TSPYL2: variants seen among roughly 807,000 people sequenced by gnomAD.
TSPYL2 encodes the protein TSPY like 2.
Under a neutral mutation model 33.0 loss-of-function variants are expected in TSPYL2, and 9 were observed. The observed-to-expected ratio is 0.27, with a 90% CI of 0.16 to 0.48. The LOEUF (loss-of-function observed/expected upper bound fraction) is 0.48. Among genes scored for constraint, TSPYL2 ranks in the 20% least tolerant of loss-of-function variants. TSPYL2 has a pLI of 0.99. For missense variants in TSPYL2, 636 were observed against 586.2 expected, an observed-to-expected ratio of 1.08 and a Z score of -0.88; for synonymous variants, 330 against 233.6, an observed-to-expected ratio of 1.41 and a Z score of -3.77.
chrX:53,083,097 TGAA>T lies in TSPYL2; in HGVS notation c.602_604del (p.Lys201del). 3 of 1,205,663 alleles carry T rather than the reference TGAA, an allele frequency of 2.5e-6. No individual in the cohort carries two copies. The highest frequency in any genetic ancestry group is 3.4e-6 in the Non-Finnish European group (3 of 892,963). ...CGGCGGAGGAGGAAGCAGAGGAAGG[TGAA>T]GAGGGAAAGCAGAGAGAGAAATGCC... is the stretch of plus-strand genomic sequence containing the variant. On this transcript the variant is annotated inframe_deletion, in exon 1 of 7. Coordinates refer to ENST00000375442, the MANE Select transcript of TSPYL2 (RefSeq NM_022117.4).
rs782412523 is a variant in TSPYL2 at position 53,084,897 on chromosome X, T to TC, written c.997+38dup. The stretch of plus-strand genomic sequence containing the variant: ...TGGCAGTACCAGAGTAAATCCATGT[T>TC]CCCCCCCTCAATCTGTCCTTGTTTT... On this transcript the variant is annotated intron_variant, in intron 3 of 6. Transcript: ENST00000375442. 55 of 1,206,113 alleles carry TC rather than the reference T, an allele frequency of 4.6e-5. No individual in the cohort carries two copies. In the Admixed American group the frequency reaches 9.4e-4, roughly 21 times the overall value.
At chrX:53,085,426 G>C (rs782569043) in intron 5 of TSPYL2, 105 bp downstream of exon 5, 341 of 788,417 alleles carry the variant, frequency 4.3e-4, no homozygotes, top group Non-Finnish European at 6.1e-4. Flanking sequence ...GATAATCCCA[G>C]TGGAATATGT....
At chrX:53,083,414 T>G in intron 1 of TSPYL2, 109 bp downstream of exon 1, 2 of 752,838 alleles carry the variant, frequency 2.7e-6, no homozygotes, top group Non-Finnish European at 4.0e-6. Context: ...GAGGTGGGCA[T>G]GATCCCCCTA....
chrX:53,086,321 C>A lies in TSPYL2; in HGVS notation c.1918+11C>A, dbSNP rs931851560. ...AGGGCATTGAGGAAGGTGAGCTAAT[C>A]CCCCCCCACCCTTGTCTTCCCTCTT... On this transcript the variant is annotated intron_variant, in intron 6 of 6. Transcript: ENST00000375442. The A allele has an allele frequency of 1.6e-5, 18 of 1,096,184 alleles. No individual in the cohort carries two copies. The highest frequency in any genetic ancestry group is 3.5e-5 in the African/African-American group (1 of 28,421). 90.3% of individuals were successfully genotyped at this position (1,096,184 alleles called of 1,213,427 possible).
At position 53,085,233 on chromosome X, in the gene TSPYL2, A is replaced by C; in HGVS notation, c.1150A>C (p.Lys384Gln). ...PEADRIAEIIKNDLWVNPLRY... is the reference protein window; with the variant it reads ...PEADRIAEIIQNDLWVNPLRY... ...TTCTCCCCTTTTTCAACAGATTATC[A>C]AGAATGATCTGTGGGTTAACCCTCT... The change falls in exon 5 of 7, where the codon AAG becomes CAG. Residue 384 changes from lysine (K) to glutamine (Q), a missense_variant. Lys to Gln is a moderately conservative substitution (Grantham distance 53). Coordinates refer to ENST00000375442, the MANE Select transcript of TSPYL2 (RefSeq NM_022117.4). 1 of 1,201,469 alleles carries C rather than the reference A, an allele frequency of 8.3e-7. No homozygotes were observed. The highest frequency in any genetic ancestry group is 1.1e-6 in the Non-Finnish European group (1 of 890,384).
intron 6 of TSPYL2, 83 bp from the exon 7 acceptor site, chrX:53,087,693 C>A: frequency 1.9e-6 from 2 of 1,055,141 alleles, no homozygotes; most frequent in South Asian, 2.2e-5. Flanking sequence ...TGGCTATGGT[C>A]TCTGTTCCCT....
chrX:53,087,709 A>G (rs1007344690), intron 6 of TSPYL2, 67 bp from the exon 7 acceptor site: 1 of 1,106,725 alleles, frequency 9.0e-7, no homozygotes, highest in Non-Finnish European at 1.2e-6. Flanking sequence ...TCCCTTTTAG[A>G]GTGACACCTA....
At chrX:53,085,571 G>T in intron 5 of TSPYL2, 60 bp from the exon 6 acceptor site, 3 of 1,111,778 alleles carry the variant, frequency 2.7e-6, no homozygotes, top group Non-Finnish European at 2.5e-6. Context: ...TCCCACCTTT[G>T]AGTGCTATGA....
Position 53,082,796 on chromosome X carries a change from A to T in TSPYL2, c.298A>T (p.Thr100Ser). 3 of 1,198,328 alleles carry T rather than the reference A, an allele frequency of 2.5e-6. No homozygotes were observed. Among genetic ancestry groups the T allele is most frequent in the Non-Finnish European group, 3.4e-6 (3 of 889,939 alleles). ...TGCTGAGTGTCCCGGCTGGGATTCT[A>T]CCATCGAGTCGGGGTATGGGGAGGC... is the stretch of plus-strand genomic sequence containing the variant. ...LGAECPGWDS[T>S]IESGYGEAPP... Residue 100 changes from threonine to serine, a missense_variant, in exon 1 of 7, where the codon ACC becomes TCC. Thr to Ser is a moderately conservative substitution (Grantham distance 58, BLOSUM62 1). Coordinates refer to ENST00000375442, the MANE Select transcript of TSPYL2 (RefSeq NM_022117.4).
rs782276508 is a variant in TSPYL2 at position 53,086,080 on chromosome X, A to G, written c.1688A>G (p.Asn563Ser). Residue 563 changes from asparagine to serine, a missense_variant, in exon 6 of 7, where the codon AAT becomes AGT. Around this residue, in one of 3 missense-constraint regions of TSPYL2, gnomAD observed 401 missense variants for 363.0 expected, o/e 1.10. Transcript: ENST00000375442. ...AACCAGGACAGCAGCGACAGTGACA[A>G]TGAAGCAGATGAGGCCAGTGATGAT... The part of the protein sequence containing the change: ...GNNQDSSDSD[N>S]EADEASDDED... 11 of 1,170,872 alleles carry G rather than the reference A, an allele frequency of 9.4e-6. No individual in the cohort carries two copies. In the South Asian group the frequency reaches 1.1e-4, roughly 12 times the overall value.
intron 6 of TSPYL2, chrX:53,086,575 G>C (rs1219925870): frequency 2.5e-6 from 1 of 400,252 alleles, no homozygotes; most frequent in Non-Finnish European, 4.4e-6. Flanking sequence ...AGGAGACAGT[G>C]GGTGGAAAAC....
chrX:53,084,456 C>T (rs1932708417), intron 1 of TSPYL2, 89 bp from the exon 2 acceptor site: 1 of 801,831 alleles, frequency 1.2e-6, no homozygotes, highest in South Asian at 2.5e-5. Context: ...TCCTCATGCT[C>T]CAGCCTCTCT....
rs1556807539 is a variant in TSPYL2, at chrX:53,083,315, T to A, written c.807+10T>A. ...CTTCTGGGTCAAAGCAGTATCCTTC[T>A]AATCGATACTCCGTAGGTCAGAAGC... On this transcript the variant is annotated intron_variant, in intron 1 of 6. Transcript: ENST00000375442. 2 of 1,188,250 alleles carry A rather than the reference T, an allele frequency of 1.7e-6. No individual in the cohort carries two copies. The highest frequency in any genetic ancestry group is 2.3e-6 in the Non-Finnish European group (2 of 879,212).
At chrX:53,086,332 C>G (rs1556808708) in intron 6 of TSPYL2, 22 bp downstream of exon 6, 4 of 1,153,588 alleles carry the variant, frequency 3.5e-6, no homozygotes, top group Non-Finnish European at 4.7e-6. Context: ...CCCCCCCACC[C>G]TTGTCTTCCC....
chrX:53,086,375 G>A (rs782077365), intron 6 of TSPYL2, 65 bp downstream of exon 6: 1 of 1,076,180 alleles, frequency 9.3e-7, no homozygotes, highest in East Asian at 3.0e-5. Flanking sequence ...CCTGGCCAAG[G>A]ACAGGGTATC....
Position 53,085,806 on chromosome X carries a change from A to G in TSPYL2, c.1414A>G (p.Ile472Val), listed in dbSNP as rs149102271. The stretch of plus-strand genomic sequence containing the variant: ...GACCACTGACAATGAGATAACTGAC[A>G]TCAATGAGAACATCTGCGACAGCGA... ...FETTDNEITD[I>V]NENICDSENP... The change falls in exon 6 of 7, where the codon ATC becomes GTC. Residue 472 changes from isoleucine to valine, a missense_variant. This residue lies in a region of TSPYL2 where 401 missense variants were observed against 363.0 expected (regional missense o/e 1.10). Transcript: ENST00000375442. 342 of 1,210,057 alleles carry G rather than the reference A, an allele frequency of 2.8e-4. 2 individuals are homozygous for G. The highest frequency in any genetic ancestry group is 4.6e-4 in the Middle Eastern group (2 of 4,374).
chrX:53,085,035 C>G lies in TSPYL2; in HGVS notation c.1079C>G (p.Ala360Gly), dbSNP rs781950604. 8.3e-7 allele frequency: 1 copy of G among 1,211,338 alleles called. No individual in the cohort carries two copies. Among genetic ancestry groups the G allele is most frequent in the Non-Finnish European group, 1.1e-6 (1 of 895,267 alleles). ...GCCCGTCGTCACGGGAACCAGGATG[C>G]GAGCCACAGCTTTTTCAGCTGGTTC... The part of the protein sequence containing the change: ...PQARRHGNQD[A>G]SHSFFSWFSN... Residue 360 changes from alanine to glycine, a missense_variant, in exon 4 of 7, where the codon GCG becomes GGG. This residue lies in a region of TSPYL2 where 401 missense variants were observed against 363.0 expected (regional missense o/e 1.10). Coordinates refer to ENST00000375442, the MANE Select transcript of TSPYL2 (RefSeq NM_022117.4).
Position 53,082,721 on chromosome X carries a change from C to G in TSPYL2, c.223C>G (p.Pro75Ala). Residue 75 changes from proline to alanine, a missense_variant, in exon 1 of 7, where the codon CCC (proline) becomes GCC (alanine). By Grantham distance (27) the Pro-to-Ala change is conservative. Around this residue, in one of 3 missense-constraint regions of TSPYL2, gnomAD observed 231 missense variants for 201.6 expected, o/e 1.15. Coordinates refer to ENST00000375442, the MANE Select transcript of TSPYL2 (RefSeq NM_022117.4). ...GLGPALPPPP[P>A]YVILEEGGIR... ...GGGCCCCGCGCTGCCCCCGCCGCCT[C>G]CCTATGTCATTCTCGAGGAGGGGGG... The G allele has an allele frequency of 2.6e-6, 3 of 1,162,128 alleles. No individual in the cohort carries two copies. Among genetic ancestry groups the G allele is most frequent in the Non-Finnish European group, 3.4e-6 (3 of 873,429 alleles).
rs1455955196 is a variant in TSPYL2 at position 53,088,163 on chromosome X, G to C, written c.*224G>C. ...CTTCTTTTGGCCCTCCGCCCCCGCAGGCTTCTGTGTGCTGCTAACTGTATT... is the reference window on the plus strand; with the variant it reads ...CTTCTTTTGGCCCTCCGCCCCCGCACGCTTCTGTGTGCTGCTAACTGTATT... On this transcript the variant is annotated 3_prime_UTR_variant, in exon 7 of 7. Coordinates refer to ENST00000375442, the MANE Select transcript of TSPYL2 (RefSeq NM_022117.4). 2.4e-6 allele frequency: 1 copy of C among 413,817 alleles called. No homozygotes were observed. The highest frequency in any genetic ancestry group is 4.2e-6 in the Non-Finnish European group (1 of 237,215). The allele number at this position is 413,817 out of a possible 1,213,427, so 34.1% of individuals were successfully genotyped here.
Sources: gnomAD v4.1 joint callset for allele counts on GRCh38, gnomAD v4.1.1 for gene constraint, gnomAD v4.1.1 regional missense constraint, MANE v1.5 for transcripts, NCBI Gene and HGNC (gene_info 2026-07-23, HGNC 2026-07-21) for gene names.